The following RPTOR variants were observed in gnomAD, a reference collection of about 807,000 sequenced individuals.
The protein encoded by RPTOR is regulatory associated protein of MTOR complex 1.
RPTOR carries 21 observed loss-of-function variants against 169.9 expected under a neutral mutation model. The observed-to-expected ratio is 0.12, with a 90% confidence interval of 0.09 to 0.18. The LOEUF is 0.18. Among genes scored for constraint, RPTOR ranks in the 10% least tolerant of loss-of-function variants. The pLI is 1.00. For synonymous variants in RPTOR, 732 were observed against 753.2 expected (o/e 0.97, Z 0.46); for missense variants, 1,133 against 1,855.9 (o/e 0.61, Z 7.16).
rs918948157 is a variant in RPTOR, at chr17:80,803,177, C to T, written c.890+11668C>T. The T allele has an allele frequency of 6.6e-6, 1 of 152,292 alleles. No individual in the cohort carries two copies. Among genetic ancestry groups the T allele is most frequent in the Non-Finnish European group, 1.5e-5 (1 of 68,106 alleles). 9.4% of individuals were successfully genotyped at this position (152,292 alleles called of 1,614,324 possible). A position where few individuals can be genotyped will look rare whatever the true frequency, so the allele number is the denominator to read the frequency against. On this transcript the variant is annotated intron_variant, in intron 7 of 33. Transcript: ENST00000306801. The surrounding 1 kb of genome is among the most constrained non-coding windows in gnomAD (Gnocchi z 6.2). ...TGCAATCGGTGATAAAGCAGTGTGG[C>T]GTGAGGCGCCAGCATAACCGGGGAC...
At chr17:80,840,142 C>T (rs2067611333) in intron 10 of RPTOR, among the ~76,000 whole-genome samples, 1 of 152,184 alleles carries the variant, frequency 6.6e-6, no homozygotes, top group Non-Finnish European at 1.5e-5. Flanking sequence ...CCATGAGCCC[C>T]CTCGGCGCCC....
At chr17:80,930,364 C>CTTCAGCTCATCCCCAGCTCAG (rs2068873354) in intron 24 of RPTOR, among the ~76,000 whole-genome samples, 1 of 55,352 alleles carries the variant, frequency 1.8e-5, no homozygotes. Context: ...CCCAGCTCAT[C>CTTCAGCTCATCCCCAGCTCAG]CTCAGCTCAT....
intron 3 of RPTOR, among the ~76,000 whole-genome samples, chr17:80,660,650 C>T (rs1022033483): frequency 7.9e-5 from 12 of 152,112 alleles, no homozygotes; most frequent in African/African-American, 2.9e-4. Context: ...TACCCTTTTG[C>T]GGCAAGGGAC....
At chr17:80,553,341 A>G (rs930374340) in intron 1 of RPTOR, among the ~76,000 whole-genome samples, 2 of 152,172 alleles carry the variant, frequency 1.3e-5, no homozygotes, top group African/African-American at 4.8e-5. Context: ...CCGCCTCTGG[A>G]TGTTGAGGCC....
intron 9 of RPTOR, among the ~76,000 whole-genome samples, chr17:80,824,817 C>T (rs951223039): frequency 2.1e-4 from 32 of 152,252 alleles, no homozygotes; most frequent in African/African-American, 4.6e-4. Flanking sequence ...TGCTCAGCTG[C>T]GCAGAGTTAA....
At position 80,959,146 on chromosome 17, in the gene RPTOR, C is replaced by T. The variant is rs972166908; in HGVS notation, c.3478-932C>T. Among the ~76,000 whole-genome samples the T allele has an allele frequency of 6.6e-6, 1 of 152,228 alleles. No homozygotes were observed. Among genetic ancestry groups the T allele is most frequent in the Non-Finnish European group, 1.5e-5 (1 of 68,046 alleles). ...CCCGAGAACCTGGCCCAGGCCTTCC[C>T]GTGTGGGCAGCCTCCCCTCTGACGT... On this transcript the variant is annotated intron_variant, in intron 29 of 33. Transcript: ENST00000306801. This position sits in a 1 kb window ranked among gnomAD's most constrained non-coding sequence, Gnocchi z 6.7.
At chr17:80,930,418 CCTCAG>C (rs1567993816) in intron 24 of RPTOR, among the ~76,000 whole-genome samples, 179 of 27,758 alleles carry the variant, frequency 6.4e-3, no homozygotes, top group Non-Finnish European at 7.2e-3. Context: ...CCCAGCTCAT[CCTCAG>C]CTCATCCTCA....
intron 1 of RPTOR, among the ~76,000 whole-genome samples, chr17:80,616,326 G>T (rs2065310093): frequency 1.1e-5 from 1 of 95,210 alleles, no homozygotes. Flanking sequence ...TTTTGAGACG[G>T]AGTCTCACTC....
chr17:80,583,225 G>T (rs2065032340), intron 1 of RPTOR, among the ~76,000 whole-genome samples: 2 of 110,570 alleles, frequency 1.8e-5, no homozygotes, highest in East Asian at 2.5e-4. Context: ...GTCTTGCTCT[G>T]TTGCCCAGGC....
intron 20 of RPTOR, among the ~76,000 whole-genome samples, chr17:80,907,092 G>T (rs2068552987): frequency 6.6e-6 from 1 of 152,202 alleles, no homozygotes; most frequent in Non-Finnish European, 1.5e-5. Flanking sequence ...GGACTTGACT[G>T]TGTCGTGCAA....
chr17:80,752,020 C>A (rs910204494), intron 5 of RPTOR, among the ~76,000 whole-genome samples: 13 of 152,242 alleles, frequency 8.5e-5, no homozygotes, highest in African/African-American at 3.1e-4. Flanking sequence ...GTTCTGCAAG[C>A]TGTGTGGCCC....
chr17:80,704,911 A>G (rs1169775258), intron 3 of RPTOR, among the ~76,000 whole-genome samples: 1 of 152,262 alleles, frequency 6.6e-6, no homozygotes, highest in Non-Finnish European at 1.5e-5. Flanking sequence ...AGGGTTCAAG[A>G]AGGAATTTTG....
chr17:80,721,844 C>CTTCATTATT lies in RPTOR; in HGVS notation c.508-8715_508-8707dup. On this transcript the variant is annotated intron_variant, in intron 4 of 33. Transcript: ENST00000306801. The surrounding 1 kb of genome is among the most constrained non-coding windows in gnomAD (Gnocchi z 4.7). ...TATTGCCAGCTGAAAAAGAACAAGTCTTCATTATTATCCAATTTGGTATAT... is the reference window on the plus strand; with the variant it reads ...TATTGCCAGCTGAAAAAGAACAAGTCTTCATTATTTTCATTATTATCCAATTTGGTATAT... Among the ~76,000 whole-genome samples, 1 of 150,188 alleles carries CTTCATTATT rather than the reference C, an allele frequency of 6.7e-6. No individual in the cohort carries two copies.
intron 6 of RPTOR, among the ~76,000 whole-genome samples, chr17:80,758,984 G>A (rs1022855725): frequency 1.3e-5 from 2 of 151,424 alleles, no homozygotes; most frequent in Non-Finnish European, 2.9e-5. Context: ...TCTAGTTGAC[G>A]GGTTTCTCTC....
chr17:80,627,417 A>G (rs184561156), intron 2 of RPTOR, among the ~76,000 whole-genome samples: 83 of 152,350 alleles, frequency 5.4e-4, no homozygotes, highest in Admixed American at 1.2e-3. Flanking sequence ...TGCCATAATC[A>G]ATGTATAGAA....
At chr17:80,611,409 G>A (rs181402554) in intron 1 of RPTOR, among the ~76,000 whole-genome samples, 2 of 152,014 alleles carry the variant, frequency 1.3e-5, no homozygotes, top group African/African-American at 2.4e-5. Flanking sequence ...TTATAGGCAC[G>A]CACCACCACA....
intron 4 of RPTOR, among the ~76,000 whole-genome samples, chr17:80,710,887 G>C (rs1395537873): frequency 6.6e-6 from 1 of 152,178 alleles, no homozygotes; most frequent in Non-Finnish European, 1.5e-5. Flanking sequence ...GCTGAGGAAT[G>C]TTCCTTCTTT....
intron 5 of RPTOR, among the ~76,000 whole-genome samples, chr17:80,745,990 C>T (rs1435038666): frequency 6.6e-6 from 1 of 152,170 alleles, no homozygotes; most frequent in Non-Finnish European, 1.5e-5. Context: ...TGGTGAAACC[C>T]AGTCTCTACT....
chr17:80,607,325 G>A lies in RPTOR; in HGVS notation c.163-18366G>A, dbSNP rs545587883. Among the ~76,000 whole-genome samples, 74 of 152,192 alleles carry A rather than the reference G, an allele frequency of 4.9e-4. No individual in the cohort carries two copies. The South Asian group carries it at 0.014, about 29-fold the overall frequency. On this transcript the variant is annotated intron_variant, in intron 1 of 33. Transcript: ENST00000306801. ...TTTATTTACAACTGAAGGTAGTTTTGGATCTAAAACCACAGTTTTGGTAAT... is the reference window on the plus strand; with the variant it reads ...TTTATTTACAACTGAAGGTAGTTTTAGATCTAAAACCACAGTTTTGGTAAT...
Sources: allele counts gnomAD v4.1 joint callset (sites outside exome capture counted in the v4.1 genomes callset), GRCh38; gene constraint gnomAD v4.1.1; non-coding constraint Gnocchi (gnomAD v3.1); transcripts MANE v1.5; gene names NCBI Gene and HGNC (gene_info 2026-07-23, HGNC 2026-07-21).